Variants in CDH8 observed in about 807,000 individuals in gnomAD.
The protein encoded by CDH8 is cadherin-8.
A neutral mutation model predicts 68.1 loss-of-function variants in CDH8; 17 were observed. That is an observed-to-expected ratio of 0.25 (90% CI 0.17 to 0.37). CDH8 has a LOEUF of 0.37. Among genes scored for constraint, CDH8 ranks in the 10% least tolerant of loss-of-function variants. The pLI, the probability that CDH8 is intolerant of heterozygous loss-of-function variation, is 1.00. For missense variants in CDH8, 763 were observed against 999.3 expected (o/e 0.76, Z 3.19); for synonymous variants, 372 against 365.1 (o/e 1.02, Z -0.21).
intron 2 of CDH8, among the ~76,000 whole-genome samples, chr16:62,007,338 G>C (rs989759751): frequency 1.3e-5 from 2 of 152,114 alleles, no homozygotes; most frequent in African/African-American, 2.4e-5. Context: ...TGACAATTTT[G>C]TTTAAAGACT....
In CDH8 at chr16:61,789,414, G is replaced by A. The variant is rs150457775; in HGVS notation, c.1346C>T (p.Thr449Met). The A allele has an allele frequency of 2.5e-5, 40 of 1,612,840 alleles. No homozygotes were observed. In the Middle Eastern group the frequency reaches 4.9e-4, roughly 20 times the overall value. The change falls in exon 8 of 12, where the codon ACG becomes ATG. Residue 449 changes from threonine (T) to methionine (M), a missense_variant. Coordinates refer to ENST00000577390, the MANE Select transcript of CDH8 (RefSeq NM_001796.5). ...FNINADDGKI[T>M]LATPLDRELS... ...TTCTCTGTCAAGTGGTGTTGCCAGC[G>A]TTATCTTCCCATCGTCTGCATTAAT...
intron 8 of CDH8, among the ~76,000 whole-genome samples, chr16:61,765,721 T>C (rs1960573770): frequency 6.6e-6 from 1 of 152,134 alleles, no homozygotes; most frequent in South Asian, 2.1e-4. Flanking sequence ...AATAGACCCG[T>C]AGAAATTTTT....
intron 4 of CDH8, among the ~76,000 whole-genome samples, chr16:61,856,597 T>C (rs1963052247): frequency 6.6e-6 from 1 of 152,138 alleles, no homozygotes; most frequent in Non-Finnish European, 1.5e-5. Context: ...TGGATATATA[T>C]GTATTGTGTT....
At position 61,652,377 on chromosome 16, in the gene CDH8, T is replaced by C. The variant is rs5002375; in HGVS notation, c.*1231A>G. On this transcript the variant is annotated 3_prime_UTR_variant, in exon 12 of 12. Coordinates refer to ENST00000577390, the MANE Select transcript of CDH8 (RefSeq NM_001796.5). Reference sequence around the variant, plus strand: ...TATTGGGCAGGGCATGATGTAGGTATCTAAAAGTCTAGAGTTTAAATATTC... The same window carrying C: ...TATTGGGCAGGGCATGATGTAGGTACCTAAAAGTCTAGAGTTTAAATATTC... 124,825 of 983,258 alleles carry C rather than the reference T, an allele frequency of 0.13. 8,274 individuals are homozygous for C. Among genetic ancestry groups the C allele is most frequent in the African/African-American group, 0.16 (9,414 of 57,248 alleles). The allele number at this position is 983,258 out of a possible 1,614,324, so 60.9% of individuals were successfully genotyped here.
chr16:61,913,900 T>A (rs1440029013), intron 2 of CDH8, among the ~76,000 whole-genome samples: 1 of 152,174 alleles, frequency 6.6e-6, no homozygotes, highest in Non-Finnish European at 1.5e-5. Context: ...ATAGGCTAAA[T>A]TATTTTCCAT....
intron 10 of CDH8, among the ~76,000 whole-genome samples, chr16:61,658,386 G>T (rs1273639332): frequency 6.6e-6 from 1 of 151,760 alleles, no homozygotes; most frequent in African/African-American, 2.4e-5. Flanking sequence ...GTGTTTTCAA[G>T]ACTTATTTTA....
intron 2 of CDH8, among the ~76,000 whole-genome samples, chr16:61,904,321 C>T (rs1009168974): frequency 2.6e-5 from 4 of 152,162 alleles, no homozygotes; most frequent in Admixed American, 2.6e-4. Flanking sequence ...ATATCATATT[C>T]ACTTAAATGC....
intron 4 of CDH8, among the ~76,000 whole-genome samples, chr16:61,844,304 T>C (rs1962756405): frequency 6.9e-6 from 1 of 145,612 alleles, no homozygotes; most frequent in African/African-American, 2.5e-5. Context: ...GAGGGAGGGA[T>C]AGCATTAGGA....
chr16:61,770,635 A>T lies in CDH8; in HGVS notation c.1414+18711T>A, dbSNP rs370285461. Among the ~76,000 whole-genome samples the T allele has an allele frequency of 4.6e-5, 7 of 151,918 alleles. No individual in the cohort carries two copies. The East Asian group carries it at 7.7e-4, about 17-fold the overall frequency. On this transcript the variant is annotated intron_variant, in intron 8 of 11. Transcript: ENST00000577390. ...TCATGCTGTTCCCTTTGCCACTAAC[A>T]TTCTTGCTTTCCTTCTTCACTTGCC...
At chr16:61,965,014 A>T (rs978551669) in intron 2 of CDH8, among the ~76,000 whole-genome samples, 5 of 151,524 alleles carry the variant, frequency 3.3e-5, no homozygotes, top group African/African-American at 1.2e-4. Context: ...ACCTCCATCT[A>T]CCCCAAGGCC....
rs1483097882 is a variant in CDH8 at position 61,652,069 on chromosome 16, A to C, written c.*1539T>G. 7.9e-6 allele frequency: 7 copies of C among 887,726 alleles called. No individual in the cohort carries two copies. The highest frequency in any genetic ancestry group is 9.4e-6 in the Non-Finnish European group (7 of 741,080). The allele number at this position is 887,726 out of a possible 1,614,324, so 55.0% of individuals were successfully genotyped here. On this transcript the variant is annotated 3_prime_UTR_variant, in exon 12 of 12. Transcript: ENST00000577390. ...ACAATACAGGAGTTTCTCTGAATAC[A>C]ATACATGGAGTGAATAAACAATATT...
At chr16:61,813,416 C>A (rs552420743) in intron 7 of CDH8, among the ~76,000 whole-genome samples, 1 of 152,120 alleles carries the variant, frequency 6.6e-6, no homozygotes, top group Non-Finnish European at 1.5e-5. Flanking sequence ...TGGGTATAAC[C>A]GAGACAGCCA....
At chr16:61,889,208 C>T (rs543825251) in intron 3 of CDH8, among the ~76,000 whole-genome samples, 26 of 152,138 alleles carry the variant, frequency 1.7e-4, no homozygotes, top group African/African-American at 6.0e-4. Flanking sequence ...ATATCAAATG[C>T]ATATATACAA....
Position 61,910,863 on chromosome 16 carries a change from C to T in CDH8, c.253-9390G>A, listed in dbSNP as rs185430575. 1.0e-3 allele frequency among the ~76,000 whole-genome samples: 154 copies of T among 152,204 alleles called. 1 individual carries two copies. The highest frequency in any genetic ancestry group is 2.5e-3 in the South Asian group (12 of 4,826). Reference sequence around the variant, plus strand: ...ATTTGTAGTAAAAATAAGAATGTAACTTCTTGAATTAAATTATCTGGATAC... The same window carrying T: ...ATTTGTAGTAAAAATAAGAATGTAATTTCTTGAATTAAATTATCTGGATAC... On this transcript the variant is annotated intron_variant, in intron 2 of 11. Transcript: ENST00000577390.
intron 4 of CDH8, among the ~76,000 whole-genome samples, chr16:61,829,773 C>G (rs1393819009): frequency 1.3e-5 from 2 of 151,780 alleles, no homozygotes; most frequent in Admixed American, 1.3e-4. Flanking sequence ...TCAATTCAAA[C>G]TGAATAATGA....
intron 10 of CDH8, among the ~76,000 whole-genome samples, chr16:61,704,587 C>G (rs1477678032): frequency 1.3e-5 from 2 of 152,122 alleles, no homozygotes; most frequent in Admixed American, 6.6e-5. Context: ...ATTACAGTAA[C>G]TTCCATTGGC....
chr16:61,966,044 G>C (rs542306420), intron 2 of CDH8, among the ~76,000 whole-genome samples: 12 of 152,200 alleles, frequency 7.9e-5, no homozygotes, highest in African/African-American at 2.6e-4. Context: ...GCAAGATTTA[G>C]GAAGAAATAG....
intron 7 of CDH8, among the ~76,000 whole-genome samples, chr16:61,795,534 T>C (rs1961476144): frequency 6.6e-6 from 1 of 152,084 alleles, no homozygotes; most frequent in Admixed American, 6.6e-5. Flanking sequence ...TGCTTTGCAG[T>C]AAATGAGTTG....
At chr16:61,739,340 G>T (rs1164913938) in intron 8 of CDH8, among the ~76,000 whole-genome samples, 1 of 151,976 alleles carries the variant, frequency 6.6e-6, no homozygotes, top group Non-Finnish European at 1.5e-5. Context: ...AGTGACCCCA[G>T]TACATGCCCA....
Sources: gnomAD v4.1 joint callset for allele counts (sites outside exome capture counted in the v4.1 genomes callset) on GRCh38, gnomAD v4.1.1 for gene constraint, MANE v1.5 for transcripts, NCBI Gene and HGNC (gene_info 2026-07-23, HGNC 2026-07-21) for gene names.